SV2C: variants seen among roughly 807,000 people sequenced by gnomAD.
The protein encoded by SV2C is synaptic vesicle glycoprotein 2C, also known as solute carrier family 22 member B3.
In SV2C, 49 loss-of-function variants were observed where a neutral mutation model predicts 79.7. The observed-to-expected ratio is 0.61, with a 90% CI of 0.49 to 0.78. The LOEUF (loss-of-function observed/expected upper bound fraction) is 0.78. Ranked by LOEUF, SV2C falls within the 30% of genes least tolerant of loss-of-function variation. SV2C has a pLI of 0.00. For missense variants in SV2C, 833 were observed against 912.9 expected (o/e 0.91, Z 1.13); for synonymous variants, 334 against 333.2 (o/e 1.00, Z -0.03).
At chr5:76,122,335 C>T (rs1307724906) in intron 1 of SV2C, among the ~76,000 whole-genome samples, 13 of 151,374 alleles carry the variant, frequency 8.6e-5, no homozygotes, top group African/African-American at 2.9e-4. Flanking sequence ...ATTTGACTTC[C>T]TCTTTTCCTA....
chr5:76,066,303 A>G, the SV2C span, among the ~76,000 whole-genome samples: 1 of 151,968 alleles, frequency 6.6e-6, no homozygotes, highest in South Asian at 2.1e-4. Context: ...TTGTAGGGAC[A>G]TGGATGAAGC....
chr5:76,073,437 T>C, the SV2C span, among the ~76,000 whole-genome samples: 12 of 148,564 alleles, frequency 8.1e-5, no homozygotes, highest in African/African-American at 3.0e-4. Flanking sequence ...AATTGCAAAA[T>C]ATGGATCCAG....
the SV2C span, among the ~76,000 whole-genome samples, chr5:75,974,149 TTAA>T: frequency 2.0e-5 from 3 of 152,014 alleles, no homozygotes; most frequent in African/African-American, 7.3e-5. Context: ...TGATCCTGAG[TTAA>T]TGATGAGGTT....
At chr5:76,124,791 G>T (rs1163820676) in intron 1 of SV2C, among the ~76,000 whole-genome samples, 1 of 152,010 alleles carries the variant, frequency 6.6e-6, no homozygotes, top group Non-Finnish European at 1.5e-5. Context: ...TTTGTTTTTT[G>T]TTGATTTTTG....
intron 1 of SV2C, among the ~76,000 whole-genome samples, chr5:76,124,759 T>C (rs936614745): frequency 3.3e-5 from 5 of 152,228 alleles, no homozygotes; most frequent in Non-Finnish European, 5.9e-5. Flanking sequence ...TCCTTGCCAA[T>C]ACTTGTTATT....
chr5:75,923,162 T>C, the SV2C span, among the ~76,000 whole-genome samples: 1 of 151,966 alleles, frequency 6.6e-6, no homozygotes, highest in Non-Finnish European at 1.5e-5. Context: ...TAACATAAAG[T>C]GGAGAAAGGA....
At chr5:76,296,616 G>A (rs192420564) in intron 9 of SV2C, among the ~76,000 whole-genome samples, 409 of 152,288 alleles carry the variant, frequency 2.7e-3, no homozygotes, top group Middle Eastern at 0.01. Context: ...TTTGTTGCCT[G>A]AACAAATAAT....
chr5:76,315,916 G>A (rs2112551879), intron 12 of SV2C, among the ~76,000 whole-genome samples: 1 of 152,270 alleles, frequency 6.6e-6, no homozygotes. Context: ...TCCCTTGGAT[G>A]TTTTATGCTG....
chr5:75,936,311 C>T, the SV2C span, among the ~76,000 whole-genome samples: 400 of 152,292 alleles, frequency 2.6e-3, 5 homozygotes, highest in East Asian at 0.023. Context: ...TTTTAATCAT[C>T]CTTGGGTCTA....
chr5:75,990,819 G>A, the SV2C span, among the ~76,000 whole-genome samples: 1 of 151,914 alleles, frequency 6.6e-6, no homozygotes, highest in African/African-American at 2.4e-5. Context: ...AAAAAGTGAA[G>A]GGTATACCTC....
the SV2C span, among the ~76,000 whole-genome samples, chr5:76,043,587 TC>T: frequency 6.6e-6 from 1 of 152,184 alleles, no homozygotes. Context: ...CCAACCCCAT[TC>T]CACCTCATAC....
At chr5:75,872,580 T>C in the SV2C span, among the ~76,000 whole-genome samples, 9,387 of 152,208 alleles carry the variant, frequency 0.062, 335 homozygotes, top group Admixed American at 0.084. Flanking sequence ...AATAGAAGAA[T>C]ATCATATTTT....
intron 4 of SV2C, among the ~76,000 whole-genome samples, chr5:76,260,064 G>C (rs1746412793): frequency 6.6e-6 from 1 of 152,180 alleles, no homozygotes; most frequent in South Asian, 2.1e-4. Context: ...CCCACTAACA[G>C]TGTAAAAGCA....
chr5:76,136,945 A>T (rs553338808), intron 2 of SV2C, among the ~76,000 whole-genome samples: 1 of 152,228 alleles, frequency 6.6e-6, no homozygotes, highest in Non-Finnish European at 1.5e-5. Flanking sequence ...GGACTTTATC[A>T]TGAAATCATT....
At chr5:75,957,097 G>A in the SV2C span, among the ~76,000 whole-genome samples, 1 of 151,898 alleles carries the variant, frequency 6.6e-6, no homozygotes, top group Non-Finnish European at 1.5e-5. Context: ...GATATACTTA[G>A]CAGCTGGCAG....
chr5:76,352,676 A>G (rs988387904), intron 12 of SV2C, among the ~76,000 whole-genome samples: 1 of 152,228 alleles, frequency 6.6e-6, no homozygotes, highest in African/African-American at 2.4e-5. Flanking sequence ...ATTCTGTTAT[A>G]GCAGCACAAA....
the SV2C span, among the ~76,000 whole-genome samples, chr5:75,962,047 C>T: frequency 6.6e-6 from 1 of 152,096 alleles, no homozygotes; most frequent in Non-Finnish European, 1.5e-5. Context: ...ACACAGCCCA[C>T]AATCCTACTT....
At chr5:75,973,307 C>T in the SV2C span, among the ~76,000 whole-genome samples, 2 of 151,416 alleles carry the variant, frequency 1.3e-5, no homozygotes, top group Non-Finnish European at 2.9e-5. Flanking sequence ...CACACGTACC[C>T]TAAAACTTAA....
intron 4 of SV2C, among the ~76,000 whole-genome samples, chr5:76,230,352 A>AGTGATGTGGTACC (rs1469256100): frequency 1.2e-4 from 19 of 152,178 alleles, no homozygotes; most frequent in African/African-American, 4.6e-4. Flanking sequence ...CAACAGCATC[A>AGTGATGTGGTACC]ATGATGTGGT....
Sources: gnomAD v4.1 joint callset for allele counts (sites outside exome capture counted in the v4.1 genomes callset) on GRCh38, gnomAD v4.1.1 for gene constraint, MANE v1.5 for transcripts, NCBI Gene and HGNC (gene_info 2026-07-23, HGNC 2026-07-21) for gene names.